The following RGS22 variants were observed in gnomAD, a reference collection of about 807,000 sequenced individuals.
RGS22 encodes regulator of G protein signaling 22, also known as regulator of G-protein signaling 22.
Under a neutral mutation model 172.9 loss-of-function variants are expected in RGS22, and 148 were observed. That is an observed-to-expected ratio of 0.86 (90% CI 0.75 to 0.98). The LOEUF is 0.98. Among genes scored for constraint, RGS22 ranks in the 50% least tolerant of loss-of-function variants. The pLI is 0.00. For missense variants in RGS22, 1,347 were observed against 1,440.8 expected (o/e 0.93, Z 1.05); for synonymous variants, 458 against 480.2 (o/e 0.95, Z 0.60).
At chr8:100,002,431 G>A (rs558034720) in intron 17 of RGS22, 67 bp from the exon 18 acceptor site, 99 of 1,465,626 alleles carry the variant, frequency 6.8e-5, no homozygotes, top group South Asian at 6.2e-4. Context: ...GTAAACACCC[G>A]ATTGTTGTTT....
chr8:100,051,885 A>T (rs1366992004), intron 10 of RGS22, among the ~76,000 whole-genome samples: 1 of 59,616 alleles, frequency 1.7e-5, no homozygotes, highest in Non-Finnish European at 2.8e-5. Context: ...TTATATATTT[A>T]TATATAAATG....
chr8:100,013,966 T>C (rs1361850805), intron 14 of RGS22, among the ~76,000 whole-genome samples: 2 of 152,184 alleles, frequency 1.3e-5, no homozygotes, highest in Non-Finnish European at 2.9e-5. Context: ...AATCAAAAAG[T>C]TTGTTACATT....
intron 2 of RGS22, among the ~76,000 whole-genome samples, chr8:100,096,258 A>G (rs956037299): frequency 1.3e-5 from 2 of 152,212 alleles, no homozygotes; most frequent in Non-Finnish European, 2.9e-5. Context: ...AATAATCAAT[A>G]AACTGGTGAT....
intron 2 of RGS22, among the ~76,000 whole-genome samples, chr8:100,099,912 T>C (rs761412105): frequency 6.6e-6 from 1 of 152,232 alleles, no homozygotes; most frequent in Non-Finnish European, 1.5e-5. Flanking sequence ...AGCTGCCTAG[T>C]GTGTCAGCCC....
chr8:99,999,688 C>T (rs896924050), intron 18 of RGS22, among the ~76,000 whole-genome samples: 1 of 152,154 alleles, frequency 6.6e-6, no homozygotes, highest in Non-Finnish European at 1.5e-5. Flanking sequence ...GATTTTTATC[C>T]TGTGTGACCA....
chr8:100,090,989 T>C (rs1175767629), intron 3 of RGS22, among the ~76,000 whole-genome samples: 1 of 152,156 alleles, frequency 6.6e-6, no homozygotes, highest in Non-Finnish European at 1.5e-5. Flanking sequence ...CATTAATTTA[T>C]GGTTCCCTAA....
chr8:99,982,545 T>C (rs536795615), intron 21 of RGS22, among the ~76,000 whole-genome samples: 1 of 152,278 alleles, frequency 6.6e-6, no homozygotes, highest in South Asian at 2.1e-4. Flanking sequence ...TTAATAAATG[T>C]TATGATAGAG....
intron 11 of RGS22, chr8:100,042,823 TA>T (rs1820277295): frequency 6.6e-6 from 1 of 152,200 alleles, no homozygotes. Context: ...CTGAAAAAGC[TA>T]AACATTAACC....
intron 18 of RGS22, among the ~76,000 whole-genome samples, chr8:100,000,801 G>A (rs1814957692): frequency 6.6e-6 from 1 of 152,092 alleles, no homozygotes; most frequent in South Asian, 2.1e-4. Context: ...AGGGAACTAA[G>A]GACAAAGCAT....
intron 14 of RGS22, among the ~76,000 whole-genome samples, chr8:100,014,813 T>C (rs141355364): frequency 6.6e-6 from 1 of 152,274 alleles, no homozygotes; most frequent in Admixed American, 6.5e-5. Flanking sequence ...CCTTCTATGC[T>C]CTCTACCCTC....
intron 19 of RGS22, among the ~76,000 whole-genome samples, chr8:99,998,151 A>G (rs1433968836): frequency 6.6e-6 from 1 of 152,184 alleles, no homozygotes. Context: ...TTGATATTGC[A>G]ATGAATATCC....
intron 9 of RGS22, among the ~76,000 whole-genome samples, chr8:100,061,835 GAC>G (rs1810158409): frequency 6.6e-6 from 1 of 152,168 alleles, no homozygotes; most frequent in South Asian, 2.1e-4. Flanking sequence ...CTATTATAAA[GAC>G]ACATGCATGT....
At chr8:99,988,212 AAAT>A (rs1192593052) in intron 20 of RGS22, among the ~76,000 whole-genome samples, 7 of 151,694 alleles carry the variant, frequency 4.6e-5, no homozygotes, top group African/African-American at 1.4e-4. Context: ...TAATGATAAC[AAAT>A]AATGATTATT....
intron 23 of RGS22, among the ~76,000 whole-genome samples, chr8:99,968,251 T>C (rs1384880697): frequency 1.3e-5 from 2 of 152,080 alleles, no homozygotes; most frequent in Non-Finnish European, 2.9e-5. Context: ...AGATGAAAAG[T>C]AGATAAATCC....
At chr8:100,067,014 C>A (rs896291567) in intron 6 of RGS22, among the ~76,000 whole-genome samples, 1 of 152,176 alleles carries the variant, frequency 6.6e-6, no homozygotes, top group African/African-American at 2.4e-5. Context: ...GATTCCTCTG[C>A]CTGCCTCTCT....
rs572545818 is a variant in RGS22, at chr8:100,063,818, C to A, written c.950G>T (p.Ser317Ile). 2 of 1,609,466 alleles carry A rather than the reference C, an allele frequency of 1.2e-6. No homozygotes were observed. The highest frequency in any genetic ancestry group is 2.2e-5 in the East Asian group (1 of 44,840). Reference protein sequence around the residue: ...MHFSTCEEFLSSYIYFILRGA... With the variant: ...MHFSTCEEFLISYIYFILRGA... ...TCTCAAAATAAAGTATATATAGGAG[C>A]TTAAAAATTCTTCACATGTTGAGAA... Residue 317 changes from serine (S) to isoleucine (I), a missense_variant, in exon 8 of 28, where the codon AGC (serine) becomes ATC (isoleucine). Transcript: ENST00000360863.
intron 20 of RGS22, among the ~76,000 whole-genome samples, chr8:99,992,858 A>G (rs1364845125): frequency 2.0e-5 from 3 of 152,178 alleles, no homozygotes; most frequent in Non-Finnish European, 4.4e-5. Context: ...TTAACCACAT[A>G]ATTGGAAGTA....
intron 3 of RGS22, 78 bp downstream of exon 3, chr8:100,093,369 G>T: frequency 1.3e-6 from 1 of 764,036 alleles, no homozygotes; most frequent in Non-Finnish European, 2.2e-6. Flanking sequence ...CTGATAAATT[G>T]GTTTCACAAG....
At chr8:99,972,760 G>C (rs1197796768) in intron 23 of RGS22, among the ~76,000 whole-genome samples, 1 of 152,062 alleles carries the variant, frequency 6.6e-6, no homozygotes, top group Admixed American at 6.6e-5. Flanking sequence ...TAAGCTGGGC[G>C]TGGTGGCTCA....
Sources: allele counts gnomAD v4.1 joint callset (sites outside exome capture counted in the v4.1 genomes callset), GRCh38; gene constraint gnomAD v4.1.1; transcripts MANE v1.5; gene names NCBI Gene and HGNC (gene_info 2026-07-23, HGNC 2026-07-21).